Variants in SLIT1 observed in about 807,000 individuals in gnomAD.
The protein encoded by SLIT1 is slit homolog 1 protein.
Under a neutral mutation model 186.1 loss-of-function variants are expected in SLIT1, and 66 were observed. That is an observed-to-expected ratio of 0.35 (90% CI 0.29 to 0.44). SLIT1 has a LOEUF of 0.44. SLIT1 is among the 20% of genes least tolerant of loss of function. The pLI is 1.00. For missense variants in SLIT1, 1,638 were observed against 2,037.4 expected (o/e 0.80, Z 3.77); for synonymous variants, 761 against 833.8 (o/e 0.91, Z 1.50).
intron 4 of SLIT1, among the ~76,000 whole-genome samples, chr10:97,072,536 C>T (rs1311351003): frequency 6.6e-6 from 1 of 152,216 alleles, no homozygotes; most frequent in Non-Finnish European, 1.5e-5. Flanking sequence ...GGCAGGCAGG[C>T]AGCAGGTGAT....
At chr10:97,171,416 C>T (rs1850187550) in intron 1 of SLIT1, among the ~76,000 whole-genome samples, 1 of 152,210 alleles carries the variant, frequency 6.6e-6, no homozygotes. Flanking sequence ...CCTCTCCAAT[C>T]TGCTCTCCAA....
chr10:97,024,550 G>C (rs1426384319), intron 25 of SLIT1, among the ~76,000 whole-genome samples: 7 of 152,204 alleles, frequency 4.6e-5, no homozygotes, highest in Middle Eastern at 3.4e-3. Context: ...CCTGGCTAAC[G>C]GGATGGGTGA....
chr10:97,051,173 C>T (rs951401502), intron 13 of SLIT1, among the ~76,000 whole-genome samples: 1 of 151,706 alleles, frequency 6.6e-6, no homozygotes, highest in African/African-American at 2.4e-5. Context: ...GAGGCAGAGG[C>T]TCAAAAGCAT....
intron 4 of SLIT1, among the ~76,000 whole-genome samples, chr10:97,085,632 C>T (rs1486641719): frequency 1.3e-5 from 2 of 152,148 alleles, no homozygotes; most frequent in African/African-American, 2.4e-5. Context: ...GTGATCCGCC[C>T]GCCTCAGCCT....
At chr10:97,013,518 A>G (rs1251183456) in intron 30 of SLIT1, among the ~76,000 whole-genome samples, 1 of 152,174 alleles carries the variant, frequency 6.6e-6, no homozygotes, top group Non-Finnish European at 1.5e-5. Context: ...GGCAAGTGAC[A>G]CATTCAGGGT....
chr10:97,106,051 C>A (rs1212518171), intron 4 of SLIT1, among the ~76,000 whole-genome samples: 1 of 152,232 alleles, frequency 6.6e-6, no homozygotes, highest in Non-Finnish European at 1.5e-5. Flanking sequence ...GCTCACCCTA[C>A]TTCCCAGGGA....
chr10:97,157,174 G>A (rs1400976697), intron 4 of SLIT1, among the ~76,000 whole-genome samples: 1 of 152,150 alleles, frequency 6.6e-6, no homozygotes, highest in Non-Finnish European at 1.5e-5. Context: ...ATATGCTAAG[G>A]AGCTGCAGAA....
intron 13 of SLIT1, among the ~76,000 whole-genome samples, chr10:97,049,773 C>T (rs538536735): frequency 5.3e-5 from 8 of 152,356 alleles, no homozygotes; most frequent in African/African-American, 1.7e-4. Context: ...AAAGAAAACT[C>T]AGAAATCATG....
At chr10:97,055,439 G>A (rs1258009943) in intron 13 of SLIT1, among the ~76,000 whole-genome samples, 1 of 152,082 alleles carries the variant, frequency 6.6e-6, no homozygotes, top group African/African-American at 2.4e-5. Context: ...ACATGTCACT[G>A]TAGCCTGAAC....
In SLIT1 at chr10:97,018,686, G is replaced by A; in HGVS notation, c.2872-3C>T. 4 of 1,569,118 alleles carry A rather than the reference G, an allele frequency of 2.5e-6. No homozygotes were observed. Among genetic ancestry groups the A allele is most frequent in the Non-Finnish European group, 3.5e-6 (4 of 1,155,222 alleles). ...AGGGACACCTCACAGTCTCGACCCT[G>A]GGGGGAAAGTCAGTGATGGGGACCC... On this transcript the variant is annotated splice_region_variant and splice_polypyrimidine_tract_variant and intron_variant, in intron 27 of 36. Transcript: ENST00000266058.
chr10:97,003,530 C>T (rs1848331295), intron 34 of SLIT1, among the ~76,000 whole-genome samples: 2 of 152,218 alleles, frequency 1.3e-5, no homozygotes, highest in Non-Finnish European at 1.5e-5. Flanking sequence ...TCACCTCTGC[C>T]CCAGCCTCAG....
intron 13 of SLIT1, among the ~76,000 whole-genome samples, chr10:97,054,812 G>A (rs900857851): frequency 6.6e-5 from 10 of 152,200 alleles, no homozygotes; most frequent in African/African-American, 2.4e-4. Flanking sequence ...AAGAGAAATG[G>A]AGAGGACACA....
chr10:97,032,909 C>T (rs1848604716), intron 23 of SLIT1, among the ~76,000 whole-genome samples: 1 of 152,206 alleles, frequency 6.6e-6, no homozygotes, highest in South Asian at 2.1e-4. Context: ...GCAAAAACGA[C>T]TTTCTCCATT....
chr10:97,132,897 G>A (rs901061587), intron 4 of SLIT1, among the ~76,000 whole-genome samples: 1 of 152,288 alleles, frequency 6.6e-6, no homozygotes, highest in African/African-American at 2.4e-5. Context: ...ACATTGTCAG[G>A]CAGAAGGGAA....
At chr10:97,173,076 T>A (rs961330510) in intron 1 of SLIT1, among the ~76,000 whole-genome samples, 1 of 152,146 alleles carries the variant, frequency 6.6e-6, no homozygotes, top group Non-Finnish European at 1.5e-5. Flanking sequence ...CTCTTCCAGG[T>A]CCTTCCATTC....
At chr10:97,134,716 G>A (rs745743564) in intron 4 of SLIT1, among the ~76,000 whole-genome samples, 1 of 152,252 alleles carries the variant, frequency 6.6e-6, no homozygotes, top group Non-Finnish European at 1.5e-5. Flanking sequence ...TCAGACTTCC[G>A]TTTGGGGGAC....
intron 4 of SLIT1, among the ~76,000 whole-genome samples, chr10:97,132,948 A>G (rs1249229041): frequency 6.6e-6 from 1 of 152,192 alleles, no homozygotes. Flanking sequence ...GAAATGGATC[A>G]CTGGCGGCCC....
At chr10:97,017,335 C>T (rs905053197) in intron 28 of SLIT1, among the ~76,000 whole-genome samples, 1 of 152,234 alleles carries the variant, frequency 6.6e-6, no homozygotes, top group African/African-American at 2.4e-5. Context: ...TATGCAGAGG[C>T]AGGCTCAGCC....
At position 97,133,887 on chromosome 10, in the gene SLIT1, G is replaced by A. The variant is rs180871720; in HGVS notation, c.413+23931C>T. 7.2e-5 allele frequency among the ~76,000 whole-genome samples: 11 copies of A among 152,176 alleles called. No homozygotes were observed. In the South Asian group the frequency reaches 1.2e-3, roughly 17 times the overall value. On this transcript the variant is annotated intron_variant, in intron 4 of 36. Coordinates refer to ENST00000266058, the MANE Select transcript of SLIT1 (RefSeq NM_003061.3). ...CAGGTCCTGTATCCCCTGGCTCACCGTCTTGTCCCCTGGGTCACTCTGATT... is the reference window on the plus strand; with the variant it reads ...CAGGTCCTGTATCCCCTGGCTCACCATCTTGTCCCCTGGGTCACTCTGATT...
Sources: allele counts gnomAD v4.1 joint callset (sites outside exome capture counted in the v4.1 genomes callset), GRCh38; gene constraint gnomAD v4.1.1; transcripts MANE v1.5; gene names NCBI Gene and HGNC (gene_info 2026-07-23, HGNC 2026-07-21).